ZNF660: variants seen among roughly 807,000 people sequenced by gnomAD.
The protein encoded by ZNF660 is zinc finger protein 660.
In ZNF660, 24 loss-of-function variants were observed where a neutral mutation model predicts 23.2. That is an observed-to-expected ratio of 1.04 (90% CI 0.75 to 1.46). The LOEUF is 1.46. ZNF660 is among the 40% of genes most tolerant of loss of function. The pLI, the probability that ZNF660 is intolerant of heterozygous loss-of-function variation, is 0.00. For synonymous variants in ZNF660, 117 were observed against 131.4 expected (o/e 0.89, Z 0.75); for missense variants, 373 against 396.8 (o/e 0.94, Z 0.51).
rs373243263 is a variant in ZNF660 at position 44,594,969 on chromosome 3, G to A, written c.776G>A (p.Arg259Gln). Reference protein sequence around the residue: ...NECGKAFTSNRNLVDHQRVHT... With the variant: ...NECGKAFTSNQNLVDHQRVHT... ...TGTGGGAAGGCTTTTACTTCTAATC[G>A]AAACCTTGTTGATCATCAGAGAGTT... Residue 259 changes from arginine (R) to glutamine (Q), a missense_variant, in exon 3 of 3, where the codon CGA (arginine) becomes CAA (glutamine). By Grantham distance (43) the Arg-to-Gln change is conservative. Coordinates refer to ENST00000322734, the MANE Select transcript of ZNF660 (RefSeq NM_173658.4). 6.2e-6 allele frequency: 10 copies of A among 1,613,606 alleles called. No individual in the cohort carries two copies. The highest frequency in any genetic ancestry group is 2.7e-5 in the African/African-American group (2 of 74,832).
intron 2 of ZNF660, among the ~76,000 whole-genome samples, chr3:44,587,828 CG>C: frequency 6.6e-6 from 1 of 152,172 alleles, no homozygotes; most frequent in East Asian, 1.9e-4. Context: ...CTGAGGTGGG[CG>C]GATCACCTGA....
intron 1 of ZNF660, among the ~76,000 whole-genome samples, chr3:44,585,407 G>T (rs1029232955): frequency 8.5e-5 from 13 of 152,148 alleles, no homozygotes; most frequent in African/African-American, 3.1e-4. Flanking sequence ...GAAGAGGACG[G>T]AGTCTTGCCC....
At chr3:44,588,280 A>G (rs1700295774) in intron 2 of ZNF660, among the ~76,000 whole-genome samples, 1 of 152,080 alleles carries the variant, frequency 6.6e-6, no homozygotes. Context: ...GAGGGATACC[A>G]CACACTTTTA....
chr3:44,593,128 T>C (rs905752834), intron 2 of ZNF660, among the ~76,000 whole-genome samples: 4 of 151,840 alleles, frequency 2.6e-5, no homozygotes, highest in African/African-American at 9.7e-5. Context: ...AGGCTCAATA[T>C]TGAAAGAACT....
Position 44,594,873 on chromosome 3 carries a change from T to C in ZNF660, c.680T>C (p.Phe227Ser), listed in dbSNP as rs1255703651. 1 of 1,614,142 alleles carries C rather than the reference T, an allele frequency of 6.2e-7. No individual in the cohort carries two copies. The highest frequency in any genetic ancestry group is 8.5e-7 in the Non-Finnish European group (1 of 1,180,042). ...GAATGTGATGAGTGTGGAAAAACTT[T>C]CATCTTAAGGAAAACTCTTAATGAA... is the stretch of plus-strand genomic sequence containing the variant. ...PYECDECGKT[F>S]ILRKTLNEHQ... The change falls in exon 3 of 3, where the codon TTC (phenylalanine) becomes TCC (serine). Residue 227 changes from phenylalanine to serine, a missense_variant. Phe to Ser is a radical substitution (Grantham distance 155, BLOSUM62 -2). Coordinates refer to ENST00000322734, the MANE Select transcript of ZNF660 (RefSeq NM_173658.4).
Position 44,595,336 on chromosome 3 carries a change from A to G in ZNF660, c.*147A>G. 1.1e-6 allele frequency: 1 copy of G among 916,272 alleles called. No homozygotes were observed. The highest frequency in any genetic ancestry group is 1.6e-6 in the Non-Finnish European group (1 of 634,388). The allele number at this position is 916,272 out of a possible 1,614,324, so 56.8% of individuals were successfully genotyped here. ...ACAAAGATTAATGAAAGGGATGTTC[A>G]TGACAGCATCATATACGACTGAAAG... On this transcript the variant is annotated 3_prime_UTR_variant, in exon 3 of 3. Transcript: ENST00000322734.
rs972564893 is a variant in ZNF660, at chr3:44,598,112, GCTTT to G, written c.*2928_*2931del. The G allele has an allele frequency of 1.3e-5, 2 of 150,678 alleles. No individual in the cohort carries two copies. The highest frequency in any genetic ancestry group is 2.9e-5 in the Non-Finnish European group (2 of 68,022). 9.3% of individuals were successfully genotyped at this position (150,678 alleles called of 1,614,324 possible). The stretch of plus-strand genomic sequence containing the variant: ...AACCAGGAACTGTCTCTTTTAATGT[GCTTT>G]CTTTTTCTTTCTTTTCTTTTCTTTT... On this transcript the variant is annotated 3_prime_UTR_variant, in exon 3 of 3. Coordinates refer to ENST00000322734, the MANE Select transcript of ZNF660 (RefSeq NM_173658.4).
chr3:44,593,162 G>T (rs1700489464), intron 2 of ZNF660, among the ~76,000 whole-genome samples: 1 of 152,180 alleles, frequency 6.6e-6, no homozygotes, highest in Admixed American at 6.5e-5. Context: ...ACAAGATAGG[G>T]TTTACCTGCA....
intron 2 of ZNF660, among the ~76,000 whole-genome samples, chr3:44,586,927 A>T (rs1220962693): frequency 1.3e-5 from 2 of 152,224 alleles, no homozygotes; most frequent in Admixed American, 6.5e-5. Context: ...AGACATACAC[A>T]CAAGCAATTC....
Position 44,594,163 on chromosome 3 carries a change from G to A in ZNF660, c.-31G>A, listed in dbSNP as rs1700529261. The A allele has an allele frequency of 6.2e-7, 1 of 1,612,020 alleles. No homozygotes were observed. The highest frequency in any genetic ancestry group is 8.5e-7 in the Non-Finnish European group (1 of 1,179,330). ...CTCTGAAGGGAAAGAGAAGACTAGA[G>A]AGGACACTGGTATGTTCCAAGCAGG... is the stretch of plus-strand genomic sequence containing the variant. On this transcript the variant is annotated 5_prime_UTR_variant, in exon 3 of 3. Transcript: ENST00000322734.
Position 44,594,978 on chromosome 3 carries a change from T to C in ZNF660, c.785T>C (p.Val262Ala), listed in dbSNP as rs368026056. The change falls in exon 3 of 3, where the codon GTT (valine) becomes GCT (alanine). Residue 262 changes from valine to alanine, a missense_variant. By Grantham distance (64) the Val-to-Ala change is moderately conservative. Transcript: ENST00000322734. ...GKAFTSNRNL[V>A]DHQRVHTGEK... ...GCTTTTACTTCTAATCGAAACCTTG[T>C]TGATCATCAGAGAGTTCACACTGGA... is the stretch of plus-strand genomic sequence containing the variant. 1.5e-5 allele frequency: 24 copies of C among 1,614,030 alleles called. No individual in the cohort carries two copies. The highest frequency in any genetic ancestry group is 1.9e-5 in the Non-Finnish European group (23 of 1,180,000).
intron 2 of ZNF660, among the ~76,000 whole-genome samples, 171 bp from the exon 3 acceptor site, chr3:44,593,843 C>T (rs1399068500): frequency 1.3e-5 from 2 of 152,184 alleles, no homozygotes; most frequent in African/African-American, 2.4e-5. Context: ...TTTCCATAAG[C>T]CTTTACATTG....
intron 2 of ZNF660, among the ~76,000 whole-genome samples, chr3:44,590,329 G>A (rs1700374005): frequency 6.6e-6 from 1 of 152,074 alleles, no homozygotes; most frequent in Admixed American, 6.6e-5. Flanking sequence ...GTTTCTGGTA[G>A]GGGGCTCTCA....
rs759766695 is a variant in ZNF660 at position 44,594,599 on chromosome 3, T to G, written c.406T>G (p.Cys136Gly). 1.2e-6 allele frequency: 2 copies of G among 1,614,166 alleles called. No individual in the cohort carries two copies. Among genetic ancestry groups the G allele is most frequent in the Non-Finnish European group, 1.7e-6 (2 of 1,180,034 alleles). Residue 136 changes from cysteine (C) to glycine (G), a missense_variant, in exon 3 of 3, where the codon TGT becomes GGT. By Grantham distance (159) the Cys-to-Gly change is radical. Coordinates refer to ENST00000322734, the MANE Select transcript of ZNF660 (RefSeq NM_173658.4). ...CCACAGTGGGGAGAAAACTTATGAATGTAAAGAGTGTGGGAAAGCCTTTAG... is the reference window on the plus strand; with the variant it reads ...CCACAGTGGGGAGAAAACTTATGAAGGTAAAGAGTGTGGGAAAGCCTTTAG... ...GIHSGEKTYE[C>G]KECGKAFSRS...
intron 2 of ZNF660, among the ~76,000 whole-genome samples, chr3:44,588,086 A>T (rs1459009828): frequency 2.0e-5 from 3 of 152,034 alleles, no homozygotes; most frequent in Non-Finnish European, 4.4e-5. Context: ...AGAAAGAAAT[A>T]CCTGTGACTG....
Position 44,594,227 on chromosome 3 carries a change from A to G in ZNF660, c.34A>G (p.Thr12Ala). Residue 12 changes from threonine to alanine, a missense_variant, in exon 3 of 3, where the codon ACA (threonine) becomes GCA (alanine). Thr to Ala is a moderately conservative substitution (Grantham distance 58, BLOSUM62 0). Coordinates refer to ENST00000322734, the MANE Select transcript of ZNF660 (RefSeq NM_173658.4). ...RRKTRNFKHK[T>A]VKDNKVLTEG... is the part of the protein sequence containing the mutation. The stretch of plus-strand genomic sequence containing the variant: ...AAAGACAAGAAATTTCAAACATAAG[A>G]CAGTTAAAGACAATAAAGTACTCAC... 1 of 1,613,810 alleles carries G rather than the reference A, an allele frequency of 6.2e-7. No individual in the cohort carries two copies. Among genetic ancestry groups the G allele is most frequent in the East Asian group, 2.2e-5 (1 of 44,886 alleles).
Position 44,594,133 on chromosome 3 carries a change from G to A in ZNF660, c.-61G>A, listed in dbSNP as rs1393924429. On this transcript the variant is annotated 5_prime_UTR_variant, in exon 3 of 3. Transcript: ENST00000322734. ...TTGCCCAGGAAGTCAAAATTTAGAA[G>A]GCTCCTCTGAAGGGAAAGAGAAGAC... is the stretch of plus-strand genomic sequence containing the variant. 6.2e-6 allele frequency: 10 copies of A among 1,604,970 alleles called. No individual in the cohort carries two copies. The highest frequency in any genetic ancestry group is 7.7e-6 in the Non-Finnish European group (9 of 1,173,526).
Position 44,594,279 on chromosome 3 carries a change from A to C in ZNF660, c.86A>C (p.Lys29Thr), listed in dbSNP as rs1700533083. Residue 29 changes from lysine to threonine, a missense_variant, in exon 3 of 3, where the codon AAA becomes ACA. Coordinates refer to ENST00000322734, the MANE Select transcript of ZNF660 (RefSeq NM_173658.4). ...LTEGSDQESEKDNSQCCDPAT... is the reference protein window; with the variant it reads ...LTEGSDQESETDNSQCCDPAT... ...GAAGGGAGTGACCAAGAATCTGAAA[A>C]AGACAATAGTCAGTGCTGTGACCCT... The C allele has an allele frequency of 3.1e-6, 5 of 1,614,070 alleles. No homozygotes were observed. In the East Asian group the frequency reaches 1.1e-4, roughly 36 times the overall value.
At chr3:44,593,261 A>G (rs899140896) in intron 2 of ZNF660, among the ~76,000 whole-genome samples, 1 of 152,206 alleles carries the variant, frequency 6.6e-6, no homozygotes. Context: ...TTGCTATTCT[A>G]TAATACCATT....
Sources: gnomAD v4.1 joint callset for allele counts (sites outside exome capture counted in the v4.1 genomes callset) on GRCh38, gnomAD v4.1.1 for gene constraint, MANE v1.5 for transcripts, NCBI Gene and HGNC (gene_info 2026-07-23, HGNC 2026-07-21) for gene names.